Variants in SIL1 observed in about 807,000 individuals in gnomAD.
SIL1 encodes the protein nucleotide exchange factor SIL1.
In SIL1, 40 loss-of-function variants were observed where a neutral mutation model predicts 49.1. That is an observed-to-expected ratio of 0.81 (90% CI 0.63 to 1.06). SIL1 has a LOEUF of 1.06. Among genes scored for constraint, SIL1 ranks in the 50% least tolerant of loss-of-function variants. SIL1 has a pLI of 0.00. For missense variants in SIL1, 500 were observed against 572.6 expected (o/e 0.87, Z 1.29); for synonymous variants, 253 against 250.8 (o/e 1.01, Z -0.08).
chr5:138,983,344 T>C (rs1302052096), intron 7 of SIL1, among the ~76,000 whole-genome samples: 3 of 148,800 alleles, frequency 2.0e-5, no homozygotes, highest in Non-Finnish European at 3.0e-5. Context: ...CTTTCTCTAC[T>C]ATAAGTACAA....
At chr5:139,111,936 A>G (rs951257896) in intron 3 of SIL1, among the ~76,000 whole-genome samples, 12 of 151,650 alleles carry the variant, frequency 7.9e-5, no homozygotes, top group East Asian at 1.9e-4. Context: ...GCTCACTGCA[A>G]CCTCCCTGCC....
intron 3 of SIL1, among the ~76,000 whole-genome samples, chr5:139,054,008 A>C (rs1323896888): frequency 6.6e-6 from 1 of 152,228 alleles, no homozygotes; most frequent in East Asian, 1.9e-4. Context: ...TGGTCAAGTG[A>C]GGAGGCCCTT....
intron 7 of SIL1, among the ~76,000 whole-genome samples, chr5:138,977,423 C>A (rs1767417546): frequency 6.6e-6 from 1 of 152,118 alleles, no homozygotes; most frequent in South Asian, 2.1e-4. Flanking sequence ...TAGTCTGAAA[C>A]CATGAAGAGT....
chr5:139,021,072 T>C (rs192052566), intron 7 of SIL1, 99 bp downstream of exon 7: 3 of 1,539,482 alleles, frequency 1.9e-6, no homozygotes, highest in Non-Finnish European at 2.7e-6. Context: ...GAGATGACAC[T>C]GAAATGTCAG....
At chr5:139,040,482 TTC>T (rs1192220628) in intron 5 of SIL1, among the ~76,000 whole-genome samples, 63 of 126,386 alleles carry the variant, frequency 5.0e-4, no homozygotes, top group Admixed American at 3.0e-3. Flanking sequence ...GGAGTATTTT[TTC>T]TTTTTTCTTT....
At chr5:139,146,268 T>G (rs1751195114) in intron 1 of SIL1, among the ~76,000 whole-genome samples, 1 of 152,146 alleles carries the variant, frequency 6.6e-6, no homozygotes, top group African/African-American at 2.4e-5. Flanking sequence ...TTCTAAAAAT[T>G]TAAGAAGGCC....
chr5:139,005,797 G>T (rs1768105539), intron 7 of SIL1, among the ~76,000 whole-genome samples: 1 of 27,544 alleles, frequency 3.6e-5, no homozygotes, highest in Non-Finnish European at 6.5e-5. Context: ...ATTTTTTATG[G>T]CTGCATAGTA....
intron 1 of SIL1, among the ~76,000 whole-genome samples, chr5:139,170,310 G>A (rs1420072727): frequency 2.6e-5 from 4 of 151,740 alleles, no homozygotes; most frequent in African/African-American, 4.8e-5. Context: ...AGTGAGGAGC[G>A]TCTCTGCTTG....
At chr5:139,022,847 T>A (rs945984447) in intron 6 of SIL1, among the ~76,000 whole-genome samples, 3 of 152,242 alleles carry the variant, frequency 2.0e-5, no homozygotes, top group Admixed American at 6.5e-5. Flanking sequence ...GCACCTTCCT[T>A]CCTTCCCTAC....
intron 5 of SIL1, among the ~76,000 whole-genome samples, chr5:139,031,043 T>C (rs190329186): frequency 1.3e-5 from 2 of 152,310 alleles, no homozygotes; most frequent in Admixed American, 1.3e-4. Flanking sequence ...TGGTATATGA[T>C]ATGCAAATAT....
At chr5:139,197,268 C>CAA (rs11363617) in intron 1 of SIL1, among the ~76,000 whole-genome samples, 466 of 57,370 alleles carry the variant, frequency 8.1e-3, no homozygotes, top group Non-Finnish European at 9.3e-3. Flanking sequence ...AACTCCGCCT[C>CAA]AAAAAAAAAA....
intron 1 of SIL1, among the ~76,000 whole-genome samples, chr5:139,146,438 G>T (rs1364268450): frequency 6.6e-6 from 1 of 152,068 alleles, no homozygotes; most frequent in African/African-American, 2.4e-5. Flanking sequence ...CATGCCTGTG[G>T]TCCCAGGTAT....
At chr5:139,162,469 A>G (rs1338968227) in intron 1 of SIL1, among the ~76,000 whole-genome samples, 1 of 152,236 alleles carries the variant, frequency 6.6e-6, no homozygotes, top group Non-Finnish European at 1.5e-5. Flanking sequence ...CCCTTCCAGT[A>G]ACAAAATGCT....
At position 138,954,171 on chromosome 5, in the gene SIL1, C is replaced by T. The variant is rs1206157821; in HGVS notation, c.768-2287G>A. 2.0e-5 allele frequency among the ~76,000 whole-genome samples: 3 copies of T among 152,234 alleles called. No homozygotes were observed. In the East Asian group the frequency reaches 5.8e-4, roughly 29 times the overall value. Reference sequence around the variant, plus strand: ...GTCCCCCTCAGGCAGGCTCTTCCCACCCCATTTAGAGTAGGAGAGAAGAGA... The same window carrying T: ...GTCCCCCTCAGGCAGGCTCTTCCCATCCCATTTAGAGTAGGAGAGAAGAGA... On this transcript the variant is annotated intron_variant, in intron 7 of 9. Transcript: ENST00000394817.
At chr5:139,081,280 G>A (rs1770070016) in intron 3 of SIL1, among the ~76,000 whole-genome samples, 1 of 152,012 alleles carries the variant, frequency 6.6e-6, no homozygotes, top group Admixed American at 6.6e-5. Context: ...TCTGAGACTG[G>A]GTCTCACTCT....
At chr5:139,151,266 G>A (rs1414633476) in intron 1 of SIL1, among the ~76,000 whole-genome samples, 1 of 152,108 alleles carries the variant, frequency 6.6e-6, no homozygotes, top group Non-Finnish European at 1.5e-5. Flanking sequence ...AGGAGAAAAA[G>A]AAGACCCTGC....
intron 7 of SIL1, among the ~76,000 whole-genome samples, chr5:139,018,747 C>CTGATGAGG (rs1477101022): frequency 1.3e-5 from 2 of 152,074 alleles, no homozygotes; most frequent in Non-Finnish European, 2.9e-5. Context: ...AGGACACATC[C>CTGATGAGG]TGATGAGGGG....
intron 7 of SIL1, among the ~76,000 whole-genome samples, chr5:138,958,436 G>C (rs564236845): frequency 6.6e-6 from 1 of 152,158 alleles, no homozygotes; most frequent in African/African-American, 2.4e-5. Context: ...AATACTATTT[G>C]TTCCTCTGAA....
At chr5:139,117,473 C>T (rs1771018079) in intron 3 of SIL1, among the ~76,000 whole-genome samples, 1 of 152,138 alleles carries the variant, frequency 6.6e-6, no homozygotes. Context: ...GCCCAGGGTG[C>T]AGGAGCCCAT....
Sources: allele counts gnomAD v4.1 joint callset (sites outside exome capture counted in the v4.1 genomes callset), GRCh38; gene constraint gnomAD v4.1.1; transcripts MANE v1.5; gene names NCBI Gene and HGNC (gene_info 2026-07-23, HGNC 2026-07-21).